The following FAM161A variants were observed in gnomAD, a reference collection of about 807,000 sequenced individuals.
FAM161A encodes the protein FAM161 centrosomal protein A.
FAM161A carries 57 observed loss-of-function variants against 70.9 expected under a neutral mutation model. The observed-to-expected ratio is 0.80, with a 90% CI of 0.65 to 1.00. The LOEUF (loss-of-function observed/expected upper bound fraction) is 1.00. Among genes scored for constraint, FAM161A ranks in the 50% least tolerant of loss-of-function variants. The pLI is 0.00. For synonymous variants in FAM161A, 299 were observed against 295.7 expected, an observed-to-expected ratio of 1.01 and a Z score of -0.12; for missense variants, 880 against 836.0, an observed-to-expected ratio of 1.05 and a Z score of -0.65.
Position 61,840,363 on chromosome 2 carries a change from C to A in FAM161A, c.641G>T (p.Cys214Phe), listed in dbSNP as rs1354367494. The A allele has an allele frequency of 4.3e-6, 7 of 1,614,122 alleles. No homozygotes were observed. The highest frequency in any genetic ancestry group is 5.1e-6 in the Non-Finnish European group (6 of 1,180,034). Residue 214 changes from cysteine (C) to phenylalanine (F), a missense_variant, in exon 3 of 7, where the codon TGT becomes TTT. By Grantham distance (205) the Cys-to-Phe change is radical. Coordinates refer to ENST00000404929, the MANE Select transcript of FAM161A (RefSeq NM_001201543.2). ...AGCTGCATGGAAGCCAGTATCTTTA[C>A]AGCGAATATAATCCTCAACACAAAA... ...TDFCVEDYIR[C>F]KDTGFHAAEK...
At chr2:61,820,512 A>G, downstream of FAM161A, 1 of 751,990 alleles carries the variant, frequency 1.3e-6, no homozygotes, top group Non-Finnish European at 2.4e-6. Flanking sequence ...TAACTGTGAA[A>G]AAGGTATTTG....
chr2:61,839,544 C>T lies in FAM161A; in HGVS notation c.1460G>A (p.Arg487His), dbSNP rs750113496. The change falls in exon 3 of 7, where the codon CGT (arginine) becomes CAT (histidine). Residue 487 changes from arginine (R) to histidine (H), a missense_variant. Physicochemically the swap from Arg to His is conservative, Grantham distance 29 (BLOSUM62 0). Transcript: ENST00000404929. Reference protein sequence around the residue: ...EADEENLKETRWPYLSPRRKS... With the variant: ...EADEENLKETHWPYLSPRRKS... Reference sequence around the variant, plus strand: ...ACGCCTTGGAGACAAATAAGGCCAACGTGTTTCTTTTAAATTTTCTTCATC... The same window carrying T: ...ACGCCTTGGAGACAAATAAGGCCAATGTGTTTCTTTTAAATTTTCTTCATC... 15 of 1,614,064 alleles carry T rather than the reference C, an allele frequency of 9.3e-6. No individual in the cohort carries two copies. Among genetic ancestry groups the T allele is most frequent in the South Asian group, 6.6e-5 (6 of 91,090 alleles).
At chr2:61,807,440 T>C in the FAM161A span, among the ~76,000 whole-genome samples, 1 of 151,960 alleles carries the variant, frequency 6.6e-6, no homozygotes. Context: ...TAAAAATATG[T>C]CTGTTTGTTG....
At position 61,842,241 on chromosome 2, in the gene FAM161A, C is replaced by T. The variant is rs2105086838; in HGVS notation, c.303G>A (p.Glu101=). Residue 101 remains glutamate (E), a synonymous_variant, in exon 2 of 7, where the codon GAG becomes GAA. Coordinates refer to ENST00000404929, the MANE Select transcript of FAM161A (RefSeq NM_001201543.2). ...TAGTTTCTATGTGGGCAGCCTTCAACTCTTCTACTTTCTTGAAATACTCCT... is the reference window on the plus strand; with the variant it reads ...TAGTTTCTATGTGGGCAGCCTTCAATTCTTCTACTTTCTTGAAATACTCCT... ...SNEEYFKKVE[E]LKAAHIETMA... 1.9e-6 allele frequency: 3 copies of T among 1,613,438 alleles called. No individual in the cohort carries two copies. The highest frequency in any genetic ancestry group is 2.2e-5 in the South Asian group (2 of 91,060).
At chr2:61,808,382 G>A in the FAM161A span, among the ~76,000 whole-genome samples, 14 of 151,434 alleles carry the variant, frequency 9.2e-5, no homozygotes, top group East Asian at 2.0e-4. Context: ...AAGCAATTCC[G>A]CTGCATCTGC....
At chr2:61,852,676 G>T (rs1349748638) in intron 1 of FAM161A, among the ~76,000 whole-genome samples, 2 of 152,144 alleles carry the variant, frequency 1.3e-5, no homozygotes, top group East Asian at 1.9e-4. Flanking sequence ...TCTGATCCTG[G>T]TTCATGTTCA....
the FAM161A span, among the ~76,000 whole-genome samples, chr2:61,801,374 G>A: frequency 6.6e-6 from 1 of 151,552 alleles, no homozygotes; most frequent in South Asian, 2.1e-4. Context: ...GCAGGCGCCT[G>A]TAATCCCAGC....
chr2:61,839,183 A>C (rs895601188), intron 3 of FAM161A, among the ~76,000 whole-genome samples: 4 of 152,096 alleles, frequency 2.6e-5, no homozygotes, highest in African/African-American at 9.7e-5. Context: ...GTGCCCAGCC[A>C]GGTAAAACTA....
At position 61,827,190 on chromosome 2, in the gene FAM161A, C is replaced by T. The variant is rs760198975; in HGVS notation, c.1920G>A (p.Glu640=). The T allele has an allele frequency of 6.2e-7, 1 of 1,613,962 alleles. No individual in the cohort carries two copies. Among genetic ancestry groups the T allele is most frequent in the Non-Finnish European group, 8.5e-7 (1 of 1,179,954 alleles). The change falls in exon 6 of 7, where the codon GAG becomes GAA. Residue 640 remains glutamate, a synonymous_variant. Coordinates refer to ENST00000404929, the MANE Select transcript of FAM161A (RefSeq NM_001201543.2). Reference sequence around the variant, plus strand: ...CACTTTGGCCTTTCTTTGAAACAAACTCATCAGATATTCCTAGTGCTTTTA... The same window carrying T: ...CACTTTGGCCTTTCTTTGAAACAAATTCATCAGATATTCCTAGTGCTTTTA... The part of the protein sequence containing the change: ...NTLKALGISD[E]FVSKKGQSGK...
chr2:61,847,112 A>T (rs890906667), intron 1 of FAM161A: 27 of 330,694 alleles, frequency 8.2e-5, no homozygotes, highest in Non-Finnish European at 1.6e-4. Flanking sequence ...CAGTGAACCA[A>T]GATCGCACCA....
chr2:61,804,784 AAG>A, the FAM161A span, among the ~76,000 whole-genome samples: 9 of 149,394 alleles, frequency 6.0e-5, no homozygotes, highest in East Asian at 1.6e-3. Flanking sequence ...GAAAGAAAGA[AAG>A]AAAGAAAGAA....
rs777885029 is a variant in FAM161A at position 61,839,572 on chromosome 2, C to T, written c.1432G>A (p.Ala478Thr). 1.2e-5 allele frequency: 19 copies of T among 1,614,052 alleles called. No individual in the cohort carries two copies. Among genetic ancestry groups the T allele is most frequent in the Non-Finnish European group, 1.5e-5 (18 of 1,180,040 alleles). ...GTTTCTTTTAAATTTTCTTCATCTG[C>T]TTCGATGTCTGCCAAAATTTTTTCT... ...KREKILADIE[A>T]DEENLKETRW... The change falls in exon 3 of 7, where the codon GCA (alanine) becomes ACA (threonine). Residue 478 changes from alanine (A) to threonine (T), a missense_variant. Physicochemically the swap from Ala to Thr is moderately conservative, Grantham distance 58. Transcript: ENST00000404929.
At chr2:61,828,981 A>G (rs987232188) in intron 5 of FAM161A, among the ~76,000 whole-genome samples, 7 of 152,144 alleles carry the variant, frequency 4.6e-5, no homozygotes, top group Admixed American at 2.6e-4. Context: ...TGGACCTCCA[A>G]CTAAAGCTAA....
At chr2:61,832,851 A>G (rs1344279348) in intron 5 of FAM161A, among the ~76,000 whole-genome samples, 2 of 152,184 alleles carry the variant, frequency 1.3e-5, no homozygotes, top group African/African-American at 4.8e-5. Context: ...GGTCTGTGGA[A>G]AAATGGTCTT....
chr2:61,826,413 CT>C lies in FAM161A; in HGVS notation c.*41del. The C allele has an allele frequency of 3.7e-6, 4 of 1,080,540 alleles. No homozygotes were observed. Among genetic ancestry groups the C allele is most frequent in the Non-Finnish European group, 5.4e-6 (4 of 736,522 alleles). 66.9% of individuals were successfully genotyped at this position (1,080,540 alleles called of 1,614,324 possible). ...AAATGCGGCTGCTGACACCCTGACG[CT>C]GCAAACAACAGCAAGGGCATAGAGA... is the stretch of plus-strand genomic sequence containing the variant. On this transcript the variant is annotated 3_prime_UTR_variant, in exon 7 of 7. Coordinates refer to ENST00000404929, the MANE Select transcript of FAM161A (RefSeq NM_001201543.2).
intron 1 of FAM161A, among the ~76,000 whole-genome samples, chr2:61,842,585 A>G (rs1673059058): frequency 6.6e-6 from 1 of 152,238 alleles, no homozygotes; most frequent in Non-Finnish European, 1.5e-5. Context: ...CAGAAAATAA[A>G]TGTTATTTAA....
At chr2:61,808,219 A>G in the FAM161A span, among the ~76,000 whole-genome samples, 1 of 152,160 alleles carries the variant, frequency 6.6e-6, no homozygotes, top group African/African-American at 2.4e-5. Context: ...AACAGGAAAT[A>G]TAGTTAAAGT....
At chr2:61,801,926 TA>T in the FAM161A span, among the ~76,000 whole-genome samples, 1,646 of 152,258 alleles carry the variant, frequency 0.011, 26 homozygotes, top group African/African-American at 0.037. Flanking sequence ...AATACAACTT[TA>T]AAAAACAAAA....
rs558710194 is a variant in FAM161A at position 61,825,023 on chromosome 2, A to G, written c.*1432T>C. On this transcript the variant is annotated 3_prime_UTR_variant, in exon 7 of 7. Transcript: ENST00000404929. ...GAACTGTAGGAAGAAAATTACAAGT[A>G]AACATTTGCCCCTGATGGAGAAAAA... is the stretch of plus-strand genomic sequence containing the variant. The G allele has an allele frequency of 8.8e-5, 40 of 453,476 alleles. No individual in the cohort carries two copies. In the East Asian group the frequency reaches 2.3e-3, roughly 26 times the overall value. 28.1% of individuals were successfully genotyped at this position (453,476 alleles called of 1,614,324 possible).
Sources: allele counts gnomAD v4.1 joint callset (sites outside exome capture counted in the v4.1 genomes callset), GRCh38; gene constraint gnomAD v4.1.1; transcripts MANE v1.5; gene names NCBI Gene and HGNC (gene_info 2026-07-23, HGNC 2026-07-21).